Variants in HIC2 observed in about 807,000 individuals in gnomAD.
HIC2 encodes the protein hypermethylated in cancer 2 protein.
Under a neutral mutation model 39.5 loss-of-function variants are expected in HIC2, and 2 were observed. That is an observed-to-expected ratio of 0.05 (90% confidence interval 0.02 to 0.16). The LOEUF (loss-of-function observed/expected upper bound fraction) is 0.16. Ranked by LOEUF, HIC2 falls within the 10% of genes least tolerant of loss-of-function variation. The probability of loss-of-function intolerance (pLI) is 1.00; values close to 1 mark genes in which losing one functional copy is unlikely to be tolerated. For missense variants in HIC2, 713 were observed against 863.5 expected (o/e 0.83, Z 2.18); for synonymous variants, 399 against 368.8 (o/e 1.08, Z -0.94).
At position 21,446,125 on chromosome 22, in the gene HIC2, G is replaced by T. The variant is rs191713285; in HGVS notation, c.1230G>T (p.Ala410=). ...GCAAGGATGCAAGTGAAGACAGTGC[G>T]CAGAGCGGGAGCGAGGGGGGCAGCG... is the stretch of plus-strand genomic sequence containing the variant. ...ENGKDASEDS[A]QSGSEGGSGH... is the part of the protein sequence containing the mutation. Residue 410 remains alanine, a synonymous_variant, in exon 3 of 3, where the codon GCG becomes GCT. Coordinates refer to ENST00000407464, the MANE Select transcript of HIC2 (RefSeq NM_015094.3). The T allele has an allele frequency of 2.5e-6, 4 of 1,608,162 alleles. No homozygotes were observed. Among genetic ancestry groups the T allele is most frequent in the African/African-American group, 1.3e-5 (1 of 75,044 alleles).
rs559177324 is a variant in HIC2 at position 21,445,054 on chromosome 22, G to C, written c.159G>C (p.Glu53Asp). Residue 53 changes from glutamate to aspartate, a missense_variant, in exon 3 of 3, where the codon GAG becomes GAC. Glu to Asp is a conservative substitution (Grantham distance 45, BLOSUM62 2). This residue lies in a region of HIC2 where 102 missense variants were observed against 187.1 expected (regional missense o/e 0.55). Coordinates refer to ENST00000407464, the MANE Select transcript of HIC2 (RefSeq NM_015094.3). The part of the protein sequence containing the change: ...GFLCDVIIMV[E>D]NSIFRAHKNV... ...TGTGTGACGTCATCATCATGGTGGA[G>C]AACTCCATCTTCCGGGCCCACAAGA... is the stretch of plus-strand genomic sequence containing the variant. 19 of 1,614,136 alleles carry C rather than the reference G, an allele frequency of 1.2e-5. No homozygotes were observed. The East Asian group carries it at 4.0e-4, about 34-fold the overall frequency.
chr22:21,447,207 TG>T lies in HIC2; in HGVS notation c.*469del, dbSNP rs1156778891. ...CCCTGGTTCTGCAGGGAACAGGTGC[TG>T]GGGGTGCAGATCCCTCCCTCCTTGA... On this transcript the variant is annotated 3_prime_UTR_variant, in exon 3 of 3. Coordinates refer to ENST00000407464, the MANE Select transcript of HIC2 (RefSeq NM_015094.3). The T allele has an allele frequency of 5.9e-6, 1 of 169,476 alleles. No homozygotes were observed. The highest frequency in any genetic ancestry group is 1.3e-5 in the Non-Finnish European group (1 of 77,798). The allele number at this position is 169,476 out of a possible 1,614,324, so 10.5% of individuals were successfully genotyped here.
rs767270706 is a variant in HIC2 at position 21,445,456 on chromosome 22, C to A, written c.561C>A (p.Ala187=). Residue 187 remains alanine (A), a synonymous_variant, in exon 3 of 3, where the codon GCC becomes GCA. Transcript: ENST00000407464. ...GLVDGRKGAH[A]PQELPQAKGS... Reference sequence around the variant, plus strand: ...TGGATGGGCGCAAGGGGGCCCACGCCCCCCAGGAGCTCCCCCAAGCCAAAG... The same window carrying A: ...TGGATGGGCGCAAGGGGGCCCACGCACCCCAGGAGCTCCCCCAAGCCAAAG... The A allele has an allele frequency of 6.5e-7, 1 of 1,538,244 alleles. No individual in the cohort carries two copies. The highest frequency in any genetic ancestry group is 2.2e-5 in the Admixed American group (1 of 45,356).
Position 21,446,184 on chromosome 22 carries a change from A to C in HIC2, c.1289A>C (p.Glu430Ala). The change falls in exon 3 of 3, where the codon GAG (glutamate) becomes GCG (alanine). Residue 430 changes from glutamate to alanine, a missense_variant. Transcript: ENST00000407464. Reference sequence around the variant, plus strand: ...AGCGCCCACTACATGTACCGGCAGGAGGGCTACGAGACGGTGTCCTACGGG... The same window carrying C: ...AGCGCCCACTACATGTACCGGCAGGCGGGCTACGAGACGGTGTCCTACGGG... ...HASAHYMYRQ[E>A]GYETVSYGDN... 1 of 1,610,452 alleles carries C rather than the reference A, an allele frequency of 6.2e-7. No individual in the cohort carries two copies. The highest frequency in any genetic ancestry group is 8.5e-7 in the Non-Finnish European group (1 of 1,179,932).
intron 2 of HIC2, among the ~76,000 whole-genome samples, chr22:21,443,438 G>A (rs540703756): frequency 6.6e-5 from 10 of 152,176 alleles, no homozygotes; most frequent in Non-Finnish European, 1.2e-4. Context: ...GTCATGAGAA[G>A]GTTGGGTAGG....
Position 21,446,398 on chromosome 22 carries a change from G to T in HIC2, c.1503G>T (p.Glu501Asp). 6.2e-7 allele frequency: 1 copy of T among 1,612,184 alleles called. No individual in the cohort carries two copies. ...LSAPSAAYTA[E>D]PRPFKCSVCE... is the part of the protein sequence containing the mutation. The stretch of plus-strand genomic sequence containing the variant: ...CACCCAGTGCGGCCTACACGGCTGA[G>T]CCCCGGCCCTTCAAGTGTTCGGTCT... The change falls in exon 3 of 3, where the codon GAG (glutamate) becomes GAT (aspartate). Residue 501 changes from glutamate (E) to aspartate (D), a missense_variant. Around this residue, in one of 5 missense-constraint regions of HIC2, gnomAD observed 103 missense variants for 103.4 expected, o/e 1.00. Coordinates refer to ENST00000407464, the MANE Select transcript of HIC2 (RefSeq NM_015094.3).
In HIC2 at chr22:21,445,501, T is replaced by C; in HGVS notation, c.606T>C (p.Phe202=). ...CCAAAGGCTCAGACGATGAACTCTTTCTTGGTGGCTCTAACCAGGATAGCG... is the reference window on the plus strand; with the variant it reads ...CCAAAGGCTCAGACGATGAACTCTTCCTTGGTGGCTCTAACCAGGATAGCG... ...PQAKGSDDEL[F]LGGSNQDSVQ... The change falls in exon 3 of 3, where the codon TTT becomes TTC. Residue 202 remains phenylalanine, a synonymous_variant. Coordinates refer to ENST00000407464, the MANE Select transcript of HIC2 (RefSeq NM_015094.3). The C allele has an allele frequency of 1.3e-6, 2 of 1,590,188 alleles. No homozygotes were observed. The highest frequency in any genetic ancestry group is 1.7e-6 in the Non-Finnish European group (2 of 1,171,218).
chr22:21,446,160 G>T lies in HIC2; in HGVS notation c.1265G>T (p.Ser422Ile). The change falls in exon 3 of 3, where the codon AGC (serine) becomes ATC (isoleucine). Residue 422 changes from serine to isoleucine, a missense_variant. Physicochemically the swap from Ser to Ile is moderately radical, Grantham distance 142. Transcript: ENST00000407464. ...AGCGAGGGGGGCAGCGGCCATGCCA[G>T]CGCCCACTACATGTACCGGCAGGAG... ...SGSEGGSGHA[S>I]AHYMYRQEGY... is the part of the protein sequence containing the mutation. 1 of 1,609,560 alleles carries T rather than the reference G, an allele frequency of 6.2e-7. No homozygotes were observed. Among genetic ancestry groups the T allele is most frequent in the South Asian group, 1.1e-5 (1 of 91,088 alleles).
Position 21,444,989 on chromosome 22 carries a change from C to G in HIC2, c.94C>G (p.Leu32Val). The change falls in exon 3 of 3, where the codon CTC becomes GTC. Residue 32 changes from leucine (L) to valine (V), a missense_variant. Transcript: ENST00000407464. ...DMELPSHSKQLLLQLNQQRTK... is the reference protein window; with the variant it reads ...DMELPSHSKQVLLQLNQQRTK... ...GGAGCTGCCCAGCCACTCGAAGCAG[C>G]TCCTGCTGCAGCTGAACCAGCAGAG... 2 of 1,614,020 alleles carry G rather than the reference C, an allele frequency of 1.2e-6. No individual in the cohort carries two copies. The highest frequency in any genetic ancestry group is 1.6e-4 in the Middle Eastern group (1 of 6,062).
chr22:21,432,185 C>T (rs1357960747), intron 1 of HIC2, among the ~76,000 whole-genome samples: 3 of 72,802 alleles, frequency 4.1e-5, no homozygotes, highest in African/African-American at 5.3e-5. Context: ...CTGAGAGTCT[C>T]GCCCATTTTC....
In HIC2 at chr22:21,445,454, G is replaced by A. The variant is rs188340044; in HGVS notation, c.559G>A (p.Ala187Thr). The change falls in exon 3 of 3, where the codon GCC becomes ACC. Residue 187 changes from alanine to threonine, a missense_variant. By Grantham distance (58) the Ala-to-Thr change is moderately conservative. Transcript: ENST00000407464. ...CGTGGATGGGCGCAAGGGGGCCCACGCCCCCCAGGAGCTCCCCCAAGCCAA... is the reference window on the plus strand; with the variant it reads ...CGTGGATGGGCGCAAGGGGGCCCACACCCCCCAGGAGCTCCCCCAAGCCAA... ...GLVDGRKGAH[A>T]PQELPQAKGS... The A allele has an allele frequency of 2.0e-5, 30 of 1,536,664 alleles. No homozygotes were observed. The highest frequency in any genetic ancestry group is 1.5e-4 in the South Asian group (12 of 77,496).
chr22:21,444,454 A>G (rs1366212166), intron 2 of HIC2, among the ~76,000 whole-genome samples: 1 of 152,158 alleles, frequency 6.6e-6, no homozygotes, highest in Non-Finnish European at 1.5e-5. Context: ...AAAAGGAACC[A>G]CCATTTAGTT....
Position 21,447,997 on chromosome 22 carries a change from G to T in HIC2, c.*1254G>T, listed in dbSNP as rs554621160. On this transcript the variant is annotated 3_prime_UTR_variant, in exon 3 of 3. Coordinates refer to ENST00000407464, the MANE Select transcript of HIC2 (RefSeq NM_015094.3). ...TCGCTTAGCACCTAGGAAGTCGTGTGCAGGAGCCAGCAGGGCGCCAAGTGG... is the reference window on the plus strand; with the variant it reads ...TCGCTTAGCACCTAGGAAGTCGTGTTCAGGAGCCAGCAGGGCGCCAAGTGG... The T allele has an allele frequency of 3.7e-4, 57 of 152,932 alleles. No individual in the cohort carries two copies. The highest frequency in any genetic ancestry group is 1.3e-3 in the African/African-American group (53 of 41,584). 9.5% of individuals were successfully genotyped at this position (152,932 alleles called of 1,614,324 possible).
rs1923871009 is a variant in HIC2 at position 21,446,830 on chromosome 22, A to C, written c.*87A>C. ...GCGAGGTGATGCAGCAGCAGGGGCA[A>C]GACCCTGGGTCCAGTGGAGGCTCCG... On this transcript the variant is annotated 3_prime_UTR_variant, in exon 3 of 3. Coordinates refer to ENST00000407464, the MANE Select transcript of HIC2 (RefSeq NM_015094.3). 1 of 1,508,712 alleles carries C rather than the reference A, an allele frequency of 6.6e-7. No individual in the cohort carries two copies. Among genetic ancestry groups the C allele is most frequent in the Non-Finnish European group, 8.9e-7 (1 of 1,129,624 alleles). 93.5% of individuals were successfully genotyped at this position (1,508,712 alleles called of 1,614,324 possible). A position where few individuals can be genotyped will look rare whatever the true frequency, so the allele number is the denominator to read the frequency against.
rs41282585 is a variant in HIC2, at chr22:21,448,840, T to A, written c.*2097T>A. 8,379 of 152,798 alleles carry A rather than the reference T, an allele frequency of 0.055. 371 individuals are homozygous for A. Among genetic ancestry groups the A allele is most frequent in the Non-Finnish European group, 0.075 (5,118 of 68,048 alleles). The allele number at this position is 152,798 out of a possible 1,614,324, so 9.5% of individuals were successfully genotyped here. A position where few individuals can be genotyped will look rare whatever the true frequency, so the allele number is the denominator to read the frequency against. On this transcript the variant is annotated 3_prime_UTR_variant, in exon 3 of 3. Transcript: ENST00000407464. The stretch of plus-strand genomic sequence containing the variant: ...TAGGGACCTGGGGGGAGGAGACCCA[T>A]GGACTTCACCCATACTCAGTGAGGG...
At position 21,450,735 on chromosome 22, in the gene HIC2, A is replaced by G. The variant is rs1924138055; in HGVS notation, c.*3992A>G. 6.5e-6 allele frequency: 1 copy of G among 152,732 alleles called. No homozygotes were observed. Among genetic ancestry groups the G allele is most frequent in the Admixed American group, 6.5e-5 (1 of 15,284 alleles). The allele number at this position is 152,732 out of a possible 1,614,324, so 9.5% of individuals were successfully genotyped here. ...CTGAACCTGTGAATCAGACGCCAGG[A>G]GTGAGGGCTGGGGAGGGACCTAACT... On this transcript the variant is annotated 3_prime_UTR_variant, in exon 3 of 3. Coordinates refer to ENST00000407464, the MANE Select transcript of HIC2 (RefSeq NM_015094.3).
chr22:21,443,258 C>T (rs532957875), intron 2 of HIC2, among the ~76,000 whole-genome samples: 1 of 152,300 alleles, frequency 6.6e-6, no homozygotes, highest in East Asian at 1.9e-4. Flanking sequence ...GAGCCGCTGG[C>T]GGGTGCTTGC....
chr22:21,445,696 CGAT>C lies in HIC2; in HGVS notation c.804_806del (p.Asp269del). The C allele has an allele frequency of 1.9e-6, 3 of 1,612,056 alleles. No individual in the cohort carries two copies. The South Asian group carries it at 3.3e-5, about 18-fold the overall frequency. On this transcript the variant is annotated inframe_deletion, in exon 3 of 3. Transcript: ENST00000407464. ...CCACCCCAGGTCCCCACCTCACTCC[CGAT>C]GACGCAGCCCAGCTGAGCGACAGCC...
rs1214261589 is a variant in HIC2, at chr22:21,445,431, T to A, written c.536T>A (p.Val179Glu). Residue 179 changes from valine to glutamate, a missense_variant, in exon 3 of 3, where the codon GTG becomes GAG. Physicochemically the swap from Val to Glu is moderately radical, Grantham distance 121. This residue lies in a region of HIC2 where 457 missense variants were observed against 420.2 expected (regional missense o/e 1.09). Coordinates refer to ENST00000407464, the MANE Select transcript of HIC2 (RefSeq NM_015094.3). ...SVIQARYQGL[V>E]DGRKGAHAPQ... ...ATCCAAGCTCGGTATCAGGGGCTCG[T>A]GGATGGGCGCAAGGGGGCCCACGCC... 2.0e-6 allele frequency: 3 copies of A among 1,528,978 alleles called. No homozygotes were observed. The highest frequency in any genetic ancestry group is 2.6e-6 in the Non-Finnish European group (3 of 1,142,524). 94.7% of individuals were successfully genotyped at this position (1,528,978 alleles called of 1,614,324 possible). A position where few individuals can be genotyped will look rare whatever the true frequency, so the allele number is the denominator to read the frequency against.
Sources: allele counts gnomAD v4.1 joint callset (sites outside exome capture counted in the v4.1 genomes callset), GRCh38; gene constraint gnomAD v4.1.1; regional missense constraint gnomAD v4.1.1; transcripts MANE v1.5; gene names NCBI Gene and HGNC (gene_info 2026-07-23, HGNC 2026-07-21).